Variants in NUP93 observed in about 807,000 individuals in gnomAD.
NUP93 encodes nucleoporin 93, also known as nuclear pore complex protein Nup93.
NUP93 carries 55 observed loss-of-function variants against 107.8 expected under a neutral mutation model. The observed-to-expected ratio is 0.51, with a 90% confidence interval of 0.41 to 0.64. The LOEUF is 0.64. NUP93 is among the 30% of genes least tolerant of loss of function. The pLI, the probability that NUP93 is intolerant of heterozygous loss-of-function variation, is 0.00. For synonymous variants in NUP93, 390 were observed against 397.5 expected (o/e 0.98, Z 0.22); for missense variants, 937 against 1,044.7 (o/e 0.90, Z 1.42).
chr16:56,752,277 C>G (rs1343248215), intron 2 of NUP93, among the ~76,000 whole-genome samples: 1 of 152,066 alleles, frequency 6.6e-6, no homozygotes, highest in Non-Finnish European at 1.5e-5. Flanking sequence ...CACAAGAAAA[C>G]CCTGTGCACA....
chr16:56,730,247 GGCTT>G (rs1961509230), intron 1 of NUP93, 36 bp downstream of exon 1: 2 of 152,286 alleles, frequency 1.3e-5, no homozygotes, highest in Admixed American at 6.5e-5. Flanking sequence ...TGCGACCCTG[GGCTT>G]GTCCTTGAAC....
intron 3 of NUP93, among the ~76,000 whole-genome samples, chr16:56,761,157 G>A (rs1488000474): frequency 6.6e-6 from 1 of 152,196 alleles, no homozygotes. Context: ...TGCCAGCAAA[G>A]GCTTAAAGGA....
rs548143582 is a variant in NUP93 at position 56,761,423 on chromosome 16, A to C, written c.297+2768A>C. Among the ~76,000 whole-genome samples, 8 of 152,268 alleles carry C rather than the reference A, an allele frequency of 5.3e-5. No homozygotes were observed. In the South Asian group the frequency reaches 1.2e-3, roughly 24 times the overall value. The stretch of plus-strand genomic sequence containing the variant: ...AGAGTAAACTTGGACATTTTCAGTG[A>C]TTTGTCTTTAGAAAAGCCAGATATA... On this transcript the variant is annotated intron_variant, in intron 3 of 21. Coordinates refer to ENST00000308159, the MANE Select transcript of NUP93 (RefSeq NM_014669.5).
chr16:56,827,374 G>A (rs1271346685), intron 8 of NUP93, among the ~76,000 whole-genome samples: 6 of 152,106 alleles, frequency 3.9e-5, no homozygotes, highest in South Asian at 4.1e-4. Flanking sequence ...TAACTGGTGC[G>A]GCAAGGACCA....
chr16:56,832,655 G>A (rs775466277), intron 12 of NUP93, among the ~76,000 whole-genome samples: 3 of 152,122 alleles, frequency 2.0e-5, no homozygotes, highest in Non-Finnish European at 4.4e-5. Flanking sequence ...ATATGCTCAG[G>A]GAGAGAAAAA....
chr16:56,770,946 A>G (rs760420634), intron 3 of NUP93, among the ~76,000 whole-genome samples: 4 of 152,152 alleles, frequency 2.6e-5, no homozygotes, highest in African/African-American at 4.8e-5. Context: ...CTCATAGCTC[A>G]AAATTGGTCA....
In NUP93 at chr16:56,834,736, C is replaced by G; in HGVS notation, c.1740C>G (p.Phe580Leu). Residue 580 changes from phenylalanine (F) to leucine (L), a missense_variant and splice_region_variant, in exon 16 of 22, where the codon TTC becomes TTG. Transcript: ENST00000308159. ...AGTAAACTTTTTTCCTTCCACAGTT[C>G]GATATGATTCTTGGGAAACTAGAGA... ...VSELVIESRE[F>L]DMILGKLEND... is the part of the protein sequence containing the mutation. 1 of 1,610,678 alleles carries G rather than the reference C, an allele frequency of 6.2e-7. No homozygotes were observed. Among genetic ancestry groups the G allele is most frequent in the Non-Finnish European group, 8.5e-7 (1 of 1,177,692 alleles).
chr16:56,747,109 C>G (rs1049541043), intron 1 of NUP93, among the ~76,000 whole-genome samples: 1 of 151,970 alleles, frequency 6.6e-6, no homozygotes, highest in African/African-American at 2.4e-5. Flanking sequence ...AGTGATTCTC[C>G]TGCCTCAGCT....
At chr16:56,781,052 T>C (rs532382212) in intron 3 of NUP93, among the ~76,000 whole-genome samples, 49 of 152,334 alleles carry the variant, frequency 3.2e-4, no homozygotes, top group African/African-American at 1.1e-3. Flanking sequence ...TTTCAGGTTA[T>C]ATGTTAAAAC....
chr16:56,797,184 C>T (rs1962919590), intron 3 of NUP93, among the ~76,000 whole-genome samples: 1 of 152,084 alleles, frequency 6.6e-6, no homozygotes, highest in South Asian at 2.1e-4. Context: ...GCAGGAGGAT[C>T]GCTTGAACCC....
In NUP93 at chr16:56,844,508, A is replaced by C; in HGVS notation, c.2359A>C (p.Ser787Arg). The part of the protein sequence containing the change: ...VIEDRDSQLR[S>R]QARTLITFAG... ...TTCCCTTCTCTCTCAGCAACTCCGAAGTCAAGCCCGCACTCTGATTACCTT... is the reference window on the plus strand; with the variant it reads ...TTCCCTTCTCTCTCAGCAACTCCGACGTCAAGCCCGCACTCTGATTACCTT... The change falls in exon 22 of 22, where the codon AGT (serine) becomes CGT (arginine). Residue 787 changes from serine to arginine, a missense_variant. By Grantham distance (110) the Ser-to-Arg change is moderately radical. Coordinates refer to ENST00000308159, the MANE Select transcript of NUP93 (RefSeq NM_014669.5). 6.8e-7 allele frequency: 1 copy of C among 1,473,418 alleles called. No homozygotes were observed. Among genetic ancestry groups the C allele is most frequent in the Non-Finnish European group, 9.1e-7 (1 of 1,104,688 alleles). 91.3% of individuals were successfully genotyped at this position (1,473,418 alleles called of 1,614,324 possible).
Position 56,805,651 on chromosome 16 carries a change from A to T in NUP93, c.489+19A>T. 1 of 1,609,082 alleles carries T rather than the reference A, an allele frequency of 6.2e-7. No homozygotes were observed. The highest frequency in any genetic ancestry group is 8.5e-7 in the Non-Finnish European group (1 of 1,176,526). ...AAGCGAGGTAGCTTGAATGCAAAAG[A>T]TAAACTACTGTTAATAAAAACATGA... On this transcript the variant is annotated intron_variant, in intron 5 of 21. Coordinates refer to ENST00000308159, the MANE Select transcript of NUP93 (RefSeq NM_014669.5).
intron 2 of NUP93, among the ~76,000 whole-genome samples, chr16:56,754,613 A>C (rs1371599239): frequency 1.3e-5 from 2 of 152,264 alleles, no homozygotes. Flanking sequence ...TGCAGGGTAC[A>C]GCCCTCTTGG....
At chr16:56,735,829 A>C (rs1459581484) in intron 1 of NUP93, among the ~76,000 whole-genome samples, 1 of 65,878 alleles carries the variant, frequency 1.5e-5, no homozygotes, top group Non-Finnish European at 2.9e-5. Context: ...ACTCCGTCTC[A>C]AAAAAAAAAA....
rs1799453349 is a variant in NUP93 at position 56,748,437 on chromosome 16, G to A, written c.179+11G>A. The A allele has an allele frequency of 1.2e-6, 2 of 1,605,868 alleles. No individual in the cohort carries two copies. The highest frequency in any genetic ancestry group is 1.3e-5 in the African/African-American group (1 of 74,740). On this transcript the variant is annotated intron_variant, in intron 2 of 21. Transcript: ENST00000308159. ...GGCAGATGTCAAGGCGTGAGTACTG[G>A]TAGGGAGACAGCATTAGTACTGGGT...
rs765711298 is a variant in NUP93, at chr16:56,823,785, C to T, written c.733C>T (p.Arg245Cys). 1.5e-5 allele frequency: 24 copies of T among 1,614,014 alleles called. No individual in the cohort carries two copies. The highest frequency in any genetic ancestry group is 1.7e-5 in the Admixed American group (1 of 59,986). ...LTPATDALKNRSSVEVRMEFV... is the reference protein window; with the variant it reads ...LTPATDALKNCSSVEVRMEFV... ...ACCGGCAACGGATGCCCTGAAGAAC[C>T]GCAGCAGCGTGGAAGTGCGCATGGA... is the stretch of plus-strand genomic sequence containing the variant. Residue 245 changes from arginine (R) to cysteine (C), a missense_variant, in exon 8 of 22, where the codon CGC becomes TGC. Arg to Cys is a radical substitution (Grantham distance 180, BLOSUM62 -3). Transcript: ENST00000308159.
rs1487232308 is a variant in NUP93, at chr16:56,740,552, A to G, written c.-14-7682A>G. Among the ~76,000 whole-genome samples the G allele has an allele frequency of 0.014, 1,985 of 139,904 alleles. 3 individuals carry two copies. In the East Asian group the frequency reaches 0.26, roughly 18 times the overall value. 91.8% of individuals were successfully genotyped at this position (139,904 alleles called of 152,430 possible). ...TCCTCACTTTCCAGACTGGGCAGCC[A>G]GGCAGAGGGGCTCCTCACATCCCAG... On this transcript the variant is annotated intron_variant, in intron 1 of 21. Coordinates refer to ENST00000308159, the MANE Select transcript of NUP93 (RefSeq NM_014669.5).
At chr16:56,772,635 G>A (rs1315519072) in intron 3 of NUP93, among the ~76,000 whole-genome samples, 1 of 152,170 alleles carries the variant, frequency 6.6e-6, no homozygotes, top group East Asian at 1.9e-4. Flanking sequence ...CCTCTTCCTT[G>A]TTTCTCCACT....
intron 8 of NUP93, 57 bp downstream of exon 8, chr16:56,823,903 T>C: frequency 1.9e-6 from 3 of 1,589,032 alleles, no homozygotes; most frequent in South Asian, 2.2e-5. Context: ...GTCAACTGTT[T>C]CTCAGATCTT....
Sources: gnomAD v4.1 joint callset for allele counts (sites outside exome capture counted in the v4.1 genomes callset) on GRCh38, gnomAD v4.1.1 for gene constraint, MANE v1.5 for transcripts, NCBI Gene and HGNC (gene_info 2026-07-23, HGNC 2026-07-21) for gene names.